Variants in JAZF1 observed in about 807,000 individuals in gnomAD.
The protein encoded by JAZF1 is juxtaposed with another zinc finger protein 1.
Under a neutral mutation model 26.4 loss-of-function variants are expected in JAZF1, and 8 were observed. That is an observed-to-expected ratio of 0.30 (90% CI 0.18 to 0.55). The LOEUF is 0.55. Among genes scored for constraint, JAZF1 ranks in the 20% least tolerant of loss-of-function variants. JAZF1 has a pLI of 0.94. For missense variants in JAZF1, 199 were observed against 322.0 expected, an observed-to-expected ratio of 0.62 and a Z score of 2.92; for synonymous variants, 126 against 122.3, an observed-to-expected ratio of 1.03 and a Z score of -0.20.
At chr7:27,966,135 T>TA (rs1356515514) in intron 2 of JAZF1, among the ~76,000 whole-genome samples, 6 of 152,172 alleles carry the variant, frequency 3.9e-5, no homozygotes, top group Non-Finnish European at 8.8e-5. Flanking sequence ...AGATTCATTT[T>TA]AAAAAAAGCA....
At chr7:27,855,201 G>C (rs1273280992) in intron 3 of JAZF1, among the ~76,000 whole-genome samples, 1 of 151,960 alleles carries the variant, frequency 6.6e-6, no homozygotes, top group African/African-American at 2.4e-5. Flanking sequence ...CAATGTATCA[G>C]AATCTCTGGC....
chr7:28,114,652 G>A (rs1290606354), intron 1 of JAZF1, among the ~76,000 whole-genome samples: 2 of 150,462 alleles, frequency 1.3e-5, no homozygotes, highest in African/African-American at 4.9e-5. Context: ...TTCAGGTCTG[G>A]AAATACAAAA....
rs571103783 is a variant in JAZF1 at position 28,081,874 on chromosome 7, T to C, written c.116-89893A>G. Among the ~76,000 whole-genome samples the C allele has an allele frequency of 5.3e-5, 8 of 152,346 alleles. No homozygotes were observed. The East Asian group carries it at 1.4e-3, about 26-fold the overall frequency. ...ATTACCACAAAATGCTGCACTCTTA[T>C]GCTTTCTTAAAAAGATCACTATAGT... On this transcript the variant is annotated intron_variant, in intron 1 of 4. Coordinates refer to ENST00000283928, the MANE Select transcript of JAZF1 (RefSeq NM_175061.4).
chr7:27,992,723 G>C (rs1275988195), intron 1 of JAZF1, among the ~76,000 whole-genome samples: 2 of 152,124 alleles, frequency 1.3e-5, no homozygotes, highest in Non-Finnish European at 2.9e-5. Flanking sequence ...TATAAACAAT[G>C]TTTATGTAAT....
chr7:28,120,343 T>C (rs1006469404), intron 1 of JAZF1, among the ~76,000 whole-genome samples: 1 of 151,858 alleles, frequency 6.6e-6, no homozygotes, highest in Non-Finnish European at 1.5e-5. Context: ...CAAACCCATA[T>C]CATTGCTTGA....
At chr7:28,092,310 A>G (rs1319340381) in intron 1 of JAZF1, among the ~76,000 whole-genome samples, 2 of 142,542 alleles carry the variant, frequency 1.4e-5, no homozygotes, top group Admixed American at 7.0e-5. Flanking sequence ...AAAAAAAAAA[A>G]AAAAAAAAAA....
intron 1 of JAZF1, among the ~76,000 whole-genome samples, chr7:28,010,111 CT>C (rs1269587516): frequency 2.6e-5 from 4 of 152,292 alleles, no homozygotes; most frequent in African/African-American, 9.6e-5. Context: ...CACTCTATAC[CT>C]TTGGTTCTGA....
chr7:27,938,920 T>C (rs1311592602), intron 2 of JAZF1, among the ~76,000 whole-genome samples: 1 of 151,842 alleles, frequency 6.6e-6, no homozygotes, highest in African/African-American at 2.4e-5. Context: ...GAATTACAAA[T>C]GTGAGCCACC....
At chr7:27,911,918 T>G (rs767858111) in intron 2 of JAZF1, among the ~76,000 whole-genome samples, 1 of 152,204 alleles carries the variant, frequency 6.6e-6, no homozygotes, top group Non-Finnish European at 1.5e-5. Context: ...TTTTATGTTT[T>G]TAGATGAACA....
intron 1 of JAZF1, among the ~76,000 whole-genome samples, chr7:28,106,955 A>G (rs1236620419): frequency 2.6e-5 from 4 of 152,208 alleles, no homozygotes; most frequent in African/African-American, 9.6e-5. Context: ...TAGTTACAGG[A>G]CTGCCTTGGT....
At chr7:27,988,048 TG>T (rs965084766) in intron 2 of JAZF1, among the ~76,000 whole-genome samples, 11 of 152,278 alleles carry the variant, frequency 7.2e-5, no homozygotes, top group Admixed American at 5.2e-4. Context: ...ACACAAACAC[TG>T]TGGAAGGCTG....
At chr7:28,146,853 GGTTT>G (rs1169696470) in intron 1 of JAZF1, among the ~76,000 whole-genome samples, 1 of 139,976 alleles carries the variant, frequency 7.1e-6, no homozygotes, top group East Asian at 2.1e-4. Flanking sequence ...TCGTTTTGGT[GGTTT>G]TTTTTTGTTT....
chr7:27,909,325 T>TG (rs1342300946), intron 2 of JAZF1, among the ~76,000 whole-genome samples: 1 of 152,104 alleles, frequency 6.6e-6, no homozygotes, highest in Non-Finnish European at 1.5e-5. Context: ...AACTGTGAAC[T>TG]GTGTGTAAAT....
chr7:27,835,560 G>C (rs904264714), intron 4 of JAZF1, among the ~76,000 whole-genome samples: 1 of 152,186 alleles, frequency 6.6e-6, no homozygotes, highest in Non-Finnish European at 1.5e-5. Context: ...GTATTTCCAG[G>C]GTTGGTCAGA....
intron 2 of JAZF1, among the ~76,000 whole-genome samples, chr7:27,957,084 C>T (rs2128356225): frequency 6.6e-6 from 1 of 152,332 alleles, no homozygotes; most frequent in East Asian, 1.9e-4. Context: ...TCCCTTCCCC[C>T]AGTGGCAAAG....
chr7:28,009,288 T>A (rs1782757665), intron 1 of JAZF1, among the ~76,000 whole-genome samples: 1 of 152,002 alleles, frequency 6.6e-6, no homozygotes, highest in Admixed American at 6.6e-5. Flanking sequence ...ACTCTGCCTG[T>A]CAATCTCTCC....
intron 1 of JAZF1, among the ~76,000 whole-genome samples, chr7:28,157,578 C>G (rs1583590404): frequency 6.6e-6 from 1 of 152,280 alleles, no homozygotes; most frequent in South Asian, 2.1e-4. Flanking sequence ...CCAAATCTGT[C>G]CCAAGGGCAG....
chr7:28,105,777 T>A (rs2008123), intron 1 of JAZF1, among the ~76,000 whole-genome samples: 1 of 152,148 alleles, frequency 6.6e-6, no homozygotes, highest in African/African-American at 2.4e-5. Flanking sequence ...GAAGAGTCTA[T>A]CAGAAAGAAT....
intron 3 of JAZF1, among the ~76,000 whole-genome samples, chr7:27,845,453 C>T (rs1251191228): frequency 2.6e-5 from 4 of 152,160 alleles, no homozygotes; most frequent in African/African-American, 9.7e-5. Context: ...AATCCCAGCA[C>T]TTTGGGAGGC....
Sources: allele counts gnomAD v4.1 joint callset (sites outside exome capture counted in the v4.1 genomes callset), GRCh38; gene constraint gnomAD v4.1.1; transcripts MANE v1.5; gene names NCBI Gene and HGNC (gene_info 2026-07-23, HGNC 2026-07-21).